MTUS2: variants seen among roughly 807,000 people sequenced by gnomAD.
MTUS2 encodes the protein microtubule-associated tumor suppressor candidate 2.
MTUS2 carries 40 observed loss-of-function variants against 114.1 expected under a neutral mutation model. The ratio of observed to expected loss-of-function variants is 0.35; its 90% CI spans 0.27 to 0.46. The LOEUF (loss-of-function observed/expected upper bound fraction) is 0.46, where lower values mean the gene tolerates loss of function less well. MTUS2 is among the 20% of genes least tolerant of loss of function. MTUS2 has a pLI of 1.00. For missense variants in MTUS2, 1,679 were observed against 1,705.4 expected (o/e 0.98, Z 0.27); for synonymous variants, 688 against 672.0 (o/e 1.02, Z -0.37).
At chr13:29,206,143 G>A (rs1895176250) in intron 5 of MTUS2, among the ~76,000 whole-genome samples, 1 of 152,092 alleles carries the variant, frequency 6.6e-6, no homozygotes, top group Admixed American at 6.6e-5. Flanking sequence ...GTTTTTATTT[G>A]CATCTTCCTG....
intron 7 of MTUS2, among the ~76,000 whole-genome samples, chr13:29,337,814 AG>A (rs1901158849): frequency 7.1e-6 from 1 of 140,506 alleles, no homozygotes; most frequent in Admixed American, 6.9e-5. Context: ...TTTGAGACAG[AG>A]TCTCGCTCTG....
chr13:29,258,318 C>T (rs1966341456), intron 5 of MTUS2, among the ~76,000 whole-genome samples: 1 of 152,176 alleles, frequency 6.6e-6, no homozygotes, highest in East Asian at 1.9e-4. Flanking sequence ...ACCTTCAAGC[C>T]AGCGACAGTG....
rs1351088040 is a variant in MTUS2, at chr13:29,148,487, TTTTTTTTTTGAGACGGAGTCTCGCTC to T, written c.2644+47519_2644+47544del. 8.9e-5 allele frequency among the ~76,000 whole-genome samples: 10 copies of T among 112,794 alleles called. 2 individuals are homozygous for T. The highest frequency in any genetic ancestry group is 2.0e-4 in the Non-Finnish European group (10 of 49,826). The allele number at this position is 112,794 out of a possible 152,430, so 74.0% of individuals were successfully genotyped here. ...GTTTGGTTTTCTTTTTTTTTTTTTT[TTTTTTTTTTGAGACGGAGTCTCGCTC>T]TGTCGCCCAGGCTGGAGTGCAGTGG... On this transcript the variant is annotated intron_variant, in intron 5 of 15. Transcript: ENST00000612955.
At chr13:29,490,985 A>ATATGTGTGTGTGTG in intron 11 of MTUS2, among the ~76,000 whole-genome samples, 1 of 148,354 alleles carries the variant, frequency 6.7e-6, no homozygotes, top group Admixed American at 6.7e-5. Context: ...AGAAGTGTGG[A>ATATGTGTGTGTGTG]TGTGTGTGTG....
intron 5 of MTUS2, among the ~76,000 whole-genome samples, chr13:29,236,335 G>GAT (rs1193297989): frequency 6.6e-6 from 1 of 152,120 alleles, no homozygotes; most frequent in African/African-American, 2.4e-5. Context: ...ATTAGAGTGA[G>GAT]ATTTTTTTAA....
At chr13:28,946,892 A>G (rs957997791) in intron 2 of MTUS2, among the ~76,000 whole-genome samples, 3 of 152,130 alleles carry the variant, frequency 2.0e-5, no homozygotes, top group Non-Finnish European at 2.9e-5. Context: ...TTTGATGTGA[A>G]CTATTTCCAT....
At chr13:29,262,668 C>G (rs1463238357) in intron 5 of MTUS2, among the ~76,000 whole-genome samples, 1 of 152,096 alleles carries the variant, frequency 6.6e-6, no homozygotes, top group Non-Finnish European at 1.5e-5. Flanking sequence ...AAACTACCCC[C>G]TAGAGCAGTA....
At position 28,938,089 on chromosome 13, in the gene MTUS2, A is replaced by AT. The variant is rs1882010314; in HGVS notation, c.-242-86366dup. ...TTTATTGTTAAACATCGCTGACTTT[A>AT]TTAAAAATGTCTTGGCCGGGTGCGG... On this transcript the variant is annotated intron_variant, in intron 2 of 15. Coordinates refer to ENST00000612955, the MANE Select transcript of MTUS2 (RefSeq NM_001033602.4). Among the ~76,000 whole-genome samples the AT allele has an allele frequency of 2.0e-5, 3 of 152,188 alleles. No homozygotes were observed. In the South Asian group the frequency reaches 6.2e-4, roughly 31 times the overall value.
chr13:29,385,970 G>C (rs1012288973), intron 8 of MTUS2, among the ~76,000 whole-genome samples: 1 of 152,124 alleles, frequency 6.6e-6, no homozygotes, highest in Non-Finnish European at 1.5e-5. Flanking sequence ...AATAGCACAG[G>C]GGCCCTCAGC....
chr13:29,029,082 C>T (rs1328435048), intron 3 of MTUS2, among the ~76,000 whole-genome samples: 5 of 152,204 alleles, frequency 3.3e-5, no homozygotes, highest in Non-Finnish European at 5.9e-5. Flanking sequence ...CCCAACAAGC[C>T]GACCAGCTGT....
At chr13:29,227,074 A>G (rs973167813) in intron 5 of MTUS2, among the ~76,000 whole-genome samples, 2 of 152,076 alleles carry the variant, frequency 1.3e-5, no homozygotes, top group African/African-American at 4.8e-5. Flanking sequence ...CCTGCCCAAC[A>G]TGGCGAAACC....
At chr13:28,961,403 A>G (rs1206280737) in intron 2 of MTUS2, among the ~76,000 whole-genome samples, 4 of 152,174 alleles carry the variant, frequency 2.6e-5, no homozygotes, top group African/African-American at 7.2e-5. Flanking sequence ...CACCTTATCT[A>G]TAGAGGAAAA....
At chr13:28,850,723 T>G (rs1403097423) in intron 2 of MTUS2, among the ~76,000 whole-genome samples, 1 of 152,250 alleles carries the variant, frequency 6.6e-6, no homozygotes, top group African/African-American at 2.4e-5. Flanking sequence ...TCCTGGAGAC[T>G]GGTCTTTAGA....
intron 6 of MTUS2, among the ~76,000 whole-genome samples, chr13:29,297,526 C>T (rs3011452): frequency 0.43 from 66,092 of 152,020 alleles, 15,448 homozygotes; most frequent in Non-Finnish European, 0.52. Context: ...ACCTATAGAC[C>T]TAACTTCTGC....
chr13:29,210,808 G>A (rs529966419), intron 5 of MTUS2, among the ~76,000 whole-genome samples: 1 of 152,074 alleles, frequency 6.6e-6, no homozygotes, highest in East Asian at 1.9e-4. Flanking sequence ...GTGAGTACGA[G>A]CACCTCCTCC....
At chr13:29,300,881 T>G (rs1899172505) in intron 6 of MTUS2, among the ~76,000 whole-genome samples, 1 of 152,198 alleles carries the variant, frequency 6.6e-6, no homozygotes, top group Admixed American at 6.5e-5. Context: ...CTGAGCGGCT[T>G]ATAAACAACG....
At chr13:29,354,035 C>G (rs1869527031) in intron 7 of MTUS2, among the ~76,000 whole-genome samples, 1 of 152,132 alleles carries the variant, frequency 6.6e-6, no homozygotes, top group South Asian at 2.1e-4. Flanking sequence ...TCCCTGAGCC[C>G]CTAGATCCAC....
intron 2 of MTUS2, among the ~76,000 whole-genome samples, chr13:28,900,945 G>T (rs1240749474): frequency 6.6e-6 from 1 of 152,144 alleles, no homozygotes; most frequent in African/African-American, 2.4e-5. Flanking sequence ...GCATGTCTAG[G>T]CTTTTAAAAA....
At chr13:29,438,839 C>T (rs1877616113) in intron 8 of MTUS2, among the ~76,000 whole-genome samples, 1 of 152,158 alleles carries the variant, frequency 6.6e-6, no homozygotes, top group Non-Finnish European at 1.5e-5. Flanking sequence ...AATATTATGA[C>T]ACAGCTTAGC....
Sources: gnomAD v4.1 joint callset for allele counts (sites outside exome capture counted in the v4.1 genomes callset) on GRCh38, gnomAD v4.1.1 for gene constraint, MANE v1.5 for transcripts, NCBI Gene and HGNC (gene_info 2026-07-23, HGNC 2026-07-21) for gene names.